Variants in C8A observed in about 807,000 individuals in gnomAD.
C8A encodes the protein complement C8 alpha chain.
In C8A, 67 loss-of-function variants were observed where a neutral mutation model predicts 65.3. The ratio of observed to expected loss-of-function variants is 1.03; its 90% CI spans 0.84 to 1.26. The LOEUF (loss-of-function observed/expected upper bound fraction) is 1.26, where lower values mean the gene tolerates loss of function less well. Ranked by LOEUF, C8A falls within the 50% of genes most tolerant of loss-of-function variation. C8A has a pLI of 0.00. For missense variants in C8A, 781 were observed against 723.9 expected (o/e 1.08, Z -0.90); for synonymous variants, 290 against 259.4 (o/e 1.12, Z -1.13).
intron 1 of C8A, among the ~76,000 whole-genome samples, chr1:56,860,073 A>G (rs543672048): frequency 2.0e-5 from 3 of 152,016 alleles, no homozygotes; most frequent in Non-Finnish European, 4.4e-5. Flanking sequence ...AAAAGAAAAA[A>G]TTTTTTTTTA....
intron 1 of C8A, among the ~76,000 whole-genome samples, chr1:56,858,480 A>T (rs745892027): frequency 6.6e-6 from 1 of 152,210 alleles, no homozygotes; most frequent in Non-Finnish European, 1.5e-5. Context: ...GAAGACCCCA[A>T]ACATAGAGGA....
intron 8 of C8A, among the ~76,000 whole-genome samples, chr1:56,907,411 C>A (rs1644474409): frequency 6.6e-6 from 1 of 152,100 alleles, no homozygotes; most frequent in Admixed American, 6.5e-5. Context: ...TACCTCAGGG[C>A]CTTAAGTCAA....
At chr1:56,877,272 G>T (rs1160845134) in intron 4 of C8A, among the ~76,000 whole-genome samples, 1 of 152,054 alleles carries the variant, frequency 6.6e-6, no homozygotes, top group East Asian at 1.9e-4. Flanking sequence ...TGTTGTGGCA[G>T]CCCCTGCAGA....
chr1:56,892,176 A>G lies in C8A; in HGVS notation c.1096+6009A>G, dbSNP rs752705241. Among the ~76,000 whole-genome samples the G allele has an allele frequency of 2.6e-5, 4 of 152,238 alleles. No homozygotes were observed. The South Asian group carries it at 6.2e-4, about 24-fold the overall frequency. On this transcript the variant is annotated intron_variant, in intron 7 of 10. Transcript: ENST00000361249. ...TCTCCACCAGGAAGCTGGCACCTCC[A>G]GGAATAACATTCATGTCCTTCTCAC...
intron 7 of C8A, among the ~76,000 whole-genome samples, chr1:56,897,479 AAGT>A (rs1434513207): frequency 6.6e-6 from 1 of 152,200 alleles, no homozygotes; most frequent in Non-Finnish European, 1.5e-5. Context: ...CTCAGCCAGA[AAGT>A]GCTATCATCG....
intron 1 of C8A, among the ~76,000 whole-genome samples, chr1:56,865,565 G>T (rs1644077536): frequency 6.6e-6 from 1 of 152,116 alleles, no homozygotes; most frequent in African/African-American, 2.4e-5. Flanking sequence ...AAATATGGGG[G>T]GACATAAACA....
chr1:56,907,564 G>A (rs927505540), intron 8 of C8A, among the ~76,000 whole-genome samples: 1 of 152,062 alleles, frequency 6.6e-6, no homozygotes, highest in South Asian at 2.1e-4. Flanking sequence ...TGCCCACATT[G>A]AGTCCTATAG....
chr1:56,856,857 ATG>A (rs780580137), intron 1 of C8A, among the ~76,000 whole-genome samples: 10 of 151,978 alleles, frequency 6.6e-5, no homozygotes, highest in Non-Finnish European at 1.2e-4. Flanking sequence ...AATCTTAAAA[ATG>A]TGTTATTTGA....
chr1:56,875,319 A>T (rs188467359), intron 3 of C8A, among the ~76,000 whole-genome samples: 8 of 152,304 alleles, frequency 5.3e-5, no homozygotes, highest in Non-Finnish European at 8.8e-5. Flanking sequence ...TTAGAAAAAG[A>T]CAATTCATTC....
intron 4 of C8A, among the ~76,000 whole-genome samples, chr1:56,880,951 T>C (rs1476305415): frequency 2.0e-5 from 3 of 152,178 alleles, no homozygotes; most frequent in Non-Finnish European, 4.4e-5. Flanking sequence ...CTGCTGCCCT[T>C]GGATTCATGA....
chr1:56,875,001 G>T lies in C8A; in HGVS notation c.224G>T (p.Ser75Ile). Residue 75 changes from serine to isoleucine, a missense_variant, in exon 3 of 11, where the codon AGT becomes ATT. Ser to Ile is a moderately radical substitution (Grantham distance 142, BLOSUM62 -2). Coordinates refer to ENST00000361249, the MANE Select transcript of C8A (RefSeq NM_000562.3). ...QPNKFGGTIC[S>I]GDIWDQASCS... The stretch of plus-strand genomic sequence containing the variant: ...AACAAGTTTGGGGGAACCATCTGCA[G>T]TGGTGACATCTGGGATCAAGCCAGC... 1 of 1,613,802 alleles carries T rather than the reference G, an allele frequency of 6.2e-7. No homozygotes were observed. Among genetic ancestry groups the T allele is most frequent in the Non-Finnish European group, 8.5e-7 (1 of 1,179,836 alleles).
At chr1:56,861,426 G>T (rs1644032485) in intron 1 of C8A, among the ~76,000 whole-genome samples, 6 of 152,028 alleles carry the variant, frequency 3.9e-5, no homozygotes, top group Admixed American at 3.9e-4. Flanking sequence ...ATTTCCATGG[G>T]CCCAGTGAGA....
chr1:56,896,271 A>G (rs928304144), intron 7 of C8A, among the ~76,000 whole-genome samples: 4 of 152,146 alleles, frequency 2.6e-5, no homozygotes, highest in Admixed American at 6.5e-5. Flanking sequence ...TTCATGTGAT[A>G]TGGAGTCTGA....
chr1:56,876,481 G>T (rs1644200082), intron 4 of C8A, among the ~76,000 whole-genome samples: 1 of 151,598 alleles, frequency 6.6e-6, no homozygotes, highest in Non-Finnish European at 1.5e-5. Context: ...CATTTCTAAG[G>T]CCCATTTAAG....
chr1:56,881,611 A>G lies in C8A; in HGVS notation c.631A>G (p.Asn211Asp). Residue 211 changes from asparagine (N) to aspartate (D), a missense_variant, in exon 5 of 11, where the codon AAC becomes GAC. Physicochemically the swap from Asn to Asp is conservative, Grantham distance 23. Coordinates refer to ENST00000361249, the MANE Select transcript of C8A (RefSeq NM_000562.3). The part of the protein sequence containing the change: ...DDEKYFRKPY[N>D]FLKYHFEALA... ...TGAGAAATACTTTCGGAAACCCTAC[A>G]ACTTTCTGAAGTACCACTTTGAAGT... is the stretch of plus-strand genomic sequence containing the variant. 6.2e-7 allele frequency: 1 copy of G among 1,613,366 alleles called. No individual in the cohort carries two copies. Among genetic ancestry groups the G allele is most frequent in the Non-Finnish European group, 8.5e-7 (1 of 1,179,714 alleles).
intron 1 of C8A, among the ~76,000 whole-genome samples, chr1:56,865,845 A>T (rs1045109901): frequency 6.6e-6 from 1 of 152,212 alleles, no homozygotes; most frequent in African/African-American, 2.4e-5. Flanking sequence ...TTTAGATATT[A>T]TACAGTGAAA....
intron 10 of C8A, among the ~76,000 whole-genome samples, chr1:56,913,819 G>T (rs1644529596): frequency 6.6e-6 from 1 of 152,170 alleles, no homozygotes; most frequent in African/African-American, 2.4e-5. Context: ...GAAAACAAAG[G>T]GTTGAAGCAC....
intron 10 of C8A, among the ~76,000 whole-genome samples, chr1:56,914,758 G>C (rs755245193): frequency 1.3e-5 from 2 of 152,052 alleles, no homozygotes; most frequent in Non-Finnish European, 2.9e-5. Context: ...TCCTCCTCCC[G>C]GGTTCAAGCG....
At chr1:56,898,112 T>C (rs1422084402) in intron 7 of C8A, among the ~76,000 whole-genome samples, 2 of 151,880 alleles carry the variant, frequency 1.3e-5, no homozygotes, top group African/African-American at 2.4e-5. Context: ...GGGCAGCAAG[T>C]AGGTAAGGAT....
Sources: allele counts gnomAD v4.1 joint callset (sites outside exome capture counted in the v4.1 genomes callset), GRCh38; gene constraint gnomAD v4.1.1; transcripts MANE v1.5; gene names NCBI Gene and HGNC (gene_info 2026-07-23, HGNC 2026-07-21).